The following ALPK2 variants were observed in gnomAD, a reference collection of about 807,000 sequenced individuals.
ALPK2 encodes the protein alpha kinase 2, also known as alpha-protein kinase 2.
A neutral mutation model predicts 163.1 loss-of-function variants in ALPK2; 127 were observed. That is an observed-to-expected ratio of 0.78 (90% CI 0.67 to 0.90). The LOEUF is 0.90. Among genes scored for constraint, ALPK2 ranks in the 40% least tolerant of loss-of-function variants. The probability of loss-of-function intolerance (pLI) is 0.00; values close to 1 mark genes in which losing one functional copy is unlikely to be tolerated. For synonymous variants in ALPK2, 953 were observed against 959.1 expected (o/e 0.99, Z 0.12); for missense variants, 2,360 against 2,589.6 (o/e 0.91, Z 1.92).
chr18:58,510,401 G>GT (rs1178128301), intron 10 of ALPK2, among the ~76,000 whole-genome samples: 9 of 152,198 alleles, frequency 5.9e-5, no homozygotes, highest in Admixed American at 5.9e-4. Flanking sequence ...CTTTAAAGTA[G>GT]TTTTTTCCAA....
intron 9 of ALPK2, 66 bp from the exon 10 acceptor site, chr18:58,515,147 A>AGAC: frequency 8.0e-7 from 1 of 1,246,160 alleles, no homozygotes. Flanking sequence ...TTGCCCAGTA[A>AGAC]GACTATTCAG....
At chr18:58,612,160 G>T (rs1013215175) in intron 1 of ALPK2, among the ~76,000 whole-genome samples, 1 of 152,120 alleles carries the variant, frequency 6.6e-6, no homozygotes. Context: ...TAAGAACCAC[G>T]AATCCTATTG....
Position 58,504,061 on chromosome 18 carries a change from C to T in ALPK2, c.6117G>A (p.Lys2039=), listed in dbSNP as rs1204161390. Residue 2039 remains lysine (K), a synonymous_variant, in exon 11 of 13, where the codon AAG becomes AAA. Coordinates refer to ENST00000361673, the MANE Select transcript of ALPK2 (RefSeq NM_052947.4). ...VEEELIGEFV[K]YSIRDGKEIN... The stretch of plus-strand genomic sequence containing the variant: ...TTTCTTTCCCATCCCTGATGGAATA[C>T]TTCACAAATTCTCCAATCAGCTCCT... The T allele has an allele frequency of 1.2e-6, 2 of 1,614,094 alleles. No homozygotes were observed. The highest frequency in any genetic ancestry group is 1.1e-5 in the South Asian group (1 of 91,070).
At chr18:58,598,151 GCCCATTCTCA>G (rs2052050436) in intron 3 of ALPK2, among the ~76,000 whole-genome samples, 1 of 152,224 alleles carries the variant, frequency 6.6e-6, no homozygotes, top group Non-Finnish European at 1.5e-5. Flanking sequence ...CACGGACCAC[GCCCATTCTCA>G]CCCATTCTCA....
At chr18:58,516,854 T>C in intron 9 of ALPK2, 54 bp downstream of exon 9, 1 of 1,577,726 alleles carries the variant, frequency 6.3e-7, no homozygotes, top group Non-Finnish European at 8.7e-7. Context: ...CATCTCGTCT[T>C]ATCATGGGTG....
At chr18:58,495,253 G>T (rs1488198097) in intron 12 of ALPK2, among the ~76,000 whole-genome samples, 1 of 152,034 alleles carries the variant, frequency 6.6e-6, no homozygotes, top group East Asian at 1.9e-4. Flanking sequence ...GGCTTAAAAA[G>T]GTAACGTTTA....
chr18:58,522,382 G>A (rs1383248878), intron 8 of ALPK2, among the ~76,000 whole-genome samples: 1 of 152,204 alleles, frequency 6.6e-6, no homozygotes, highest in Non-Finnish European at 1.5e-5. Context: ...ACACCACCAG[G>A]CAAGGGTGGG....
chr18:58,620,009 G>A (rs1005208805), intron 1 of ALPK2, among the ~76,000 whole-genome samples: 64 of 152,208 alleles, frequency 4.2e-4, no homozygotes, highest in Admixed American at 1.5e-3. Context: ...CTATGGATAC[G>A]GTGGGGCGCG....
intron 12 of ALPK2, among the ~76,000 whole-genome samples, chr18:58,494,535 C>T (rs943203770): frequency 1.3e-5 from 2 of 152,096 alleles, no homozygotes; most frequent in East Asian, 1.9e-4. Flanking sequence ...GTGTCAGCAG[C>T]CAAATATATG....
Position 58,537,626 on chromosome 18 carries a change from G to A in ALPK2, c.2561C>T (p.Ser854Phe), listed in dbSNP as rs766058408. ...GACTTCCAGTGTCTTGTCATTAGAAGAACATAAATCAGATACTTTGTTTTG... is the reference window on the plus strand; with the variant it reads ...GACTTCCAGTGTCTTGTCATTAGAAAAACATAAATCAGATACTTTGTTTTG... ...EGQNKVSDLC[S>F]SNDKTLEVFF... Residue 854 changes from serine (S) to phenylalanine (F), a missense_variant, in exon 5 of 13, where the codon TCT becomes TTT. By Grantham distance (155) the Ser-to-Phe change is radical. Transcript: ENST00000361673. 10 of 1,613,350 alleles carry A rather than the reference G, an allele frequency of 6.2e-6. No homozygotes were observed. The African/African-American group carries it at 1.1e-4, about 17-fold the overall frequency.
chr18:58,510,225 T>G (rs1432274136), intron 10 of ALPK2, among the ~76,000 whole-genome samples: 1 of 152,220 alleles, frequency 6.6e-6, no homozygotes, highest in Non-Finnish European at 1.5e-5. Flanking sequence ...GAGGGCTCTG[T>G]TCTGTTCCAT....
chr18:58,581,584 C>G (rs1359570852), intron 3 of ALPK2, among the ~76,000 whole-genome samples: 1 of 152,212 alleles, frequency 6.6e-6, no homozygotes, highest in African/African-American at 2.4e-5. Context: ...TCACAAGGAG[C>G]CTGCAGCCTG....
chr18:58,481,727 T>C lies in ALPK2; in HGVS notation c.*96A>G, dbSNP rs752361224. 6.0e-6 allele frequency: 6 copies of C among 1,005,078 alleles called. No individual in the cohort carries two copies. Among genetic ancestry groups the C allele is most frequent in the Non-Finnish European group, 9.2e-6 (6 of 654,644 alleles). The allele number at this position is 1,005,078 out of a possible 1,614,324, so 62.3% of individuals were successfully genotyped here. A position where few individuals can be genotyped will look rare whatever the true frequency, so the allele number is the denominator to read the frequency against. ...GCTGGGAGTAAGGATTGCCACGCAC[T>C]CTCTGCAGGCTGTATATTCTCTCCT... On this transcript the variant is annotated 3_prime_UTR_variant, in exon 13 of 13. Coordinates refer to ENST00000361673, the MANE Select transcript of ALPK2 (RefSeq NM_052947.4).
Position 58,536,665 on chromosome 18 carries a change from GT to G in ALPK2, c.3521del (p.His1174ProfsTer35). The part of the protein sequence containing the change: ...QEERNLVPTA[H>X]SPASSREGAG... Reference sequence around the variant, plus strand: ...CTCCTTCCCTAGAGCTTGCGGGTGAGTGGGCCGTGGGCACCAAGTTTCTTTC... The same window carrying G: ...CTCCTTCCCTAGAGCTTGCGGGTGAGGGGCCGTGGGCACCAAGTTTCTTTC... On this transcript the variant is annotated frameshift_variant, in exon 5 of 13. Coordinates refer to ENST00000361673, the MANE Select transcript of ALPK2 (RefSeq NM_052947.4). 6.2e-7 allele frequency: 1 copy of G among 1,614,170 alleles called. No homozygotes were observed. Among genetic ancestry groups the G allele is most frequent in the East Asian group, 2.2e-5 (1 of 44,884 alleles).
chr18:58,531,935 CAAAAAA>C (rs35957271), intron 5 of ALPK2, among the ~76,000 whole-genome samples: 16 of 49,610 alleles, frequency 3.2e-4, no homozygotes, highest in East Asian at 7.0e-4. Context: ...GGCTCCGTCT[CAAAAAA>C]AAAAAAAAAA....
chr18:58,618,594 T>G (rs1327853089), intron 1 of ALPK2, among the ~76,000 whole-genome samples: 3 of 152,242 alleles, frequency 2.0e-5, no homozygotes, highest in Non-Finnish European at 4.4e-5. Flanking sequence ...CTGAATAGTA[T>G]ATAAAGTAAG....
At chr18:58,592,427 G>A (rs191377798) in intron 3 of ALPK2, among the ~76,000 whole-genome samples, 13 of 152,332 alleles carry the variant, frequency 8.5e-5, no homozygotes, top group East Asian at 1.9e-4. Context: ...CACAGAACTC[G>A]AGCCCCGCAG....
At chr18:58,508,614 G>A (rs1212744740) in intron 10 of ALPK2, among the ~76,000 whole-genome samples, 2 of 152,190 alleles carry the variant, frequency 1.3e-5, no homozygotes, top group Non-Finnish European at 2.9e-5. Context: ...GTTTACAAAT[G>A]CCATGGCAAT....
At chr18:58,523,674 A>T in intron 8 of ALPK2, 132 bp downstream of exon 8, 2 of 1,109,302 alleles carry the variant, frequency 1.8e-6, no homozygotes, top group Non-Finnish European at 2.7e-6. Flanking sequence ...TTCATTTCTT[A>T]AGTCACGCCA....
Sources: allele counts gnomAD v4.1 joint callset (sites outside exome capture counted in the v4.1 genomes callset), GRCh38; gene constraint gnomAD v4.1.1; transcripts MANE v1.5; gene names NCBI Gene and HGNC (gene_info 2026-07-23, HGNC 2026-07-21).